GNAQ: variants seen among roughly 807,000 people sequenced by gnomAD.
GNAQ encodes the protein G protein subunit alpha q.
In GNAQ, 8 loss-of-function variants were observed where a neutral mutation model predicts 43.9. The observed-to-expected ratio is 0.18, with a 90% CI of 0.11 to 0.33. GNAQ has a LOEUF of 0.33. Among genes scored for constraint, GNAQ ranks in the 10% least tolerant of loss-of-function variants. GNAQ has a pLI of 1.00. For missense variants in GNAQ, 158 were observed against 450.8 expected, an observed-to-expected ratio of 0.35 and a Z score of 5.88; for synonymous variants, 155 against 170.7, an observed-to-expected ratio of 0.91 and a Z score of 0.71.
intron 1 of GNAQ, among the ~76,000 whole-genome samples, chr9:78,000,700 T>C (rs1823632720): frequency 6.6e-6 from 1 of 152,236 alleles, no homozygotes; most frequent in South Asian, 2.1e-4. Flanking sequence ...TAACTCAAGA[T>C]TATTTTAGAA....
chr9:78,030,984 G>T, intron 1 of GNAQ, 116 bp downstream of exon 1: 1 of 695,774 alleles, frequency 1.4e-6, no homozygotes, highest in East Asian at 3.7e-5. Flanking sequence ...CGCCCGGGAG[G>T]GTAGGGGCGA....
chr9:77,728,275 T>C (rs1368460450), intron 6 of GNAQ, among the ~76,000 whole-genome samples: 2 of 152,188 alleles, frequency 1.3e-5, no homozygotes, highest in African/African-American at 4.8e-5. Context: ...TTACAGGCGC[T>C]CGCCACTGTG....
intron 6 of GNAQ, among the ~76,000 whole-genome samples, chr9:77,727,470 G>A (rs935790369): frequency 6.6e-6 from 1 of 152,190 alleles, no homozygotes; most frequent in African/African-American, 2.4e-5. Flanking sequence ...TCTAGTTGGG[G>A]AGGGTAAGAT....
intron 5 of GNAQ, among the ~76,000 whole-genome samples, chr9:77,766,711 T>G (rs1392676485): frequency 6.6e-6 from 1 of 152,100 alleles, no homozygotes; most frequent in African/African-American, 2.4e-5. Flanking sequence ...ATGCACCGTT[T>G]TTTGCTACCA....
chr9:78,013,936 T>C (rs28412830), intron 1 of GNAQ, among the ~76,000 whole-genome samples: 1,635 of 152,274 alleles, frequency 0.011, 24 homozygotes, highest in African/African-American at 0.038. Context: ...AGTTTGCTGA[T>C]GATCCTTGGT....
intron 1 of GNAQ, among the ~76,000 whole-genome samples, chr9:77,988,325 C>T (rs79276085): frequency 1.4e-3 from 216 of 152,326 alleles, no homozygotes; most frequent in African/African-American, 5.0e-3. Flanking sequence ...ACCAGGAAAA[C>T]GGCTGGACAC....
At chr9:77,728,804 G>A (rs970837324) in intron 5 of GNAQ, 137 bp from the exon 6 acceptor site, 56 of 616,288 alleles carry the variant, frequency 9.1e-5, no homozygotes, top group Non-Finnish European at 1.3e-4. Flanking sequence ...GGATTTGTCA[G>A]GATTTATATG....
At chr9:77,746,507 A>G (rs1217437206) in intron 5 of GNAQ, among the ~76,000 whole-genome samples, 1 of 152,216 alleles carries the variant, frequency 6.6e-6, no homozygotes, top group Non-Finnish European at 1.5e-5. Context: ...AAGATTTCAT[A>G]GATCTGTCAG....
chr9:77,987,247 T>C (rs1823452055), intron 1 of GNAQ, among the ~76,000 whole-genome samples: 1 of 152,216 alleles, frequency 6.6e-6, no homozygotes, highest in Non-Finnish European at 1.5e-5. Flanking sequence ...CAATATTATC[T>C]TGAGTATCTC....
intron 3 of GNAQ, among the ~76,000 whole-genome samples, chr9:77,810,711 C>T (rs1416132842): frequency 2.6e-5 from 4 of 152,114 alleles, no homozygotes; most frequent in African/African-American, 4.8e-5. Context: ...TCTATTATTT[C>T]GTGAAACAAT....
intron 2 of GNAQ, among the ~76,000 whole-genome samples, chr9:77,847,477 G>A (rs940688915): frequency 5.3e-5 from 8 of 152,268 alleles, no homozygotes; most frequent in Admixed American, 5.2e-4. Flanking sequence ...GCAGAGTGCT[G>A]CCTTACAATT....
chr9:77,862,353 G>A (rs556233876), intron 2 of GNAQ, among the ~76,000 whole-genome samples: 6 of 152,252 alleles, frequency 3.9e-5, no homozygotes, highest in African/African-American at 7.2e-5. Context: ...TTTCTGCCTC[G>A]GCATTCAGGC....
intron 1 of GNAQ, among the ~76,000 whole-genome samples, chr9:78,016,994 G>A (rs1293186795): frequency 6.6e-6 from 1 of 152,088 alleles, no homozygotes; most frequent in African/African-American, 2.4e-5. Context: ...GACCAAAACG[G>A]CTGATAATCA....
chr9:77,864,297 A>G (rs1439109412), intron 2 of GNAQ, among the ~76,000 whole-genome samples: 1 of 152,000 alleles, frequency 6.6e-6, no homozygotes, highest in Non-Finnish European at 1.5e-5. Context: ...ACCTCCCATT[A>G]GGCTCCACCT....
At chr9:78,028,477 T>A (rs1398833645) in intron 1 of GNAQ, among the ~76,000 whole-genome samples, 1 of 152,182 alleles carries the variant, frequency 6.6e-6, no homozygotes, top group Non-Finnish European at 1.5e-5. Context: ...AAGTAAATAA[T>A]TACATGAGCA....
intron 1 of GNAQ, among the ~76,000 whole-genome samples, chr9:78,013,887 T>G (rs1295940602): frequency 1.3e-5 from 2 of 152,174 alleles, no homozygotes; most frequent in African/African-American, 4.8e-5. Flanking sequence ...AGAAGCCATA[T>G]AGCCCAAAAG....
chr9:77,986,157 C>G lies in GNAQ; in HGVS notation c.136+44943G>C, dbSNP rs73459760. Among the ~76,000 whole-genome samples, 591 of 152,306 alleles carry G rather than the reference C, an allele frequency of 3.9e-3. 4 individuals carry two copies. The highest frequency in any genetic ancestry group is 0.013 in the African/African-American group (557 of 41,560). On this transcript the variant is annotated intron_variant, in intron 1 of 6. Coordinates refer to ENST00000286548, the MANE Select transcript of GNAQ (RefSeq NM_002072.5). ...AGATTATAGCCACCACCACCTTTCC[C>G]TTGCCACATAGCTGCTGCAAGATAT...
chr9:77,909,068 AAG>A (rs1463838301), intron 2 of GNAQ, among the ~76,000 whole-genome samples: 1 of 152,126 alleles, frequency 6.6e-6, no homozygotes, highest in Non-Finnish European at 1.5e-5. Context: ...GTCTGGCAAA[AAG>A]AGAGTGCTGT....
At chr9:77,948,607 G>A (rs1822935064) in intron 1 of GNAQ, among the ~76,000 whole-genome samples, 1 of 152,164 alleles carries the variant, frequency 6.6e-6, no homozygotes, top group Admixed American at 6.5e-5. Context: ...AGTGGGCAGA[G>A]CACAGCAGAA....
Sources: gnomAD v4.1 joint callset for allele counts (sites outside exome capture counted in the v4.1 genomes callset) on GRCh38, gnomAD v4.1.1 for gene constraint, MANE v1.5 for transcripts, NCBI Gene and HGNC (gene_info 2026-07-23, HGNC 2026-07-21) for gene names.